Variants in SPMIP2 observed in about 807,000 individuals in gnomAD.
The protein encoded by SPMIP2 is protein SPMIP2.
At chr4:159,066,678 A>G in the SPMIP2 span, among the ~76,000 whole-genome samples, 1 of 151,132 alleles carries the variant, frequency 6.6e-6, no homozygotes, top group Non-Finnish European at 1.5e-5. Flanking sequence ...CTTGAAGTCA[A>G]CAAAGAAACT....
the SPMIP2 span, among the ~76,000 whole-genome samples, chr4:158,942,062 T>A: frequency 6.6e-6 from 1 of 152,222 alleles, no homozygotes; most frequent in Non-Finnish European, 1.5e-5. Context: ...ATGTAATTCA[T>A]CCTTGAATTT....
the SPMIP2 span, among the ~76,000 whole-genome samples, chr4:158,981,679 C>A: frequency 6.6e-6 from 1 of 151,950 alleles, no homozygotes; most frequent in Non-Finnish European, 1.5e-5. Flanking sequence ...CACCACCAGG[C>A]CTGCCTTACA....
At chr4:159,020,599 C>G in the SPMIP2 span, among the ~76,000 whole-genome samples, 1 of 152,154 alleles carries the variant, frequency 6.6e-6, no homozygotes, top group Non-Finnish European at 1.5e-5. Flanking sequence ...TGCGAGGCTA[C>G]CCTATGCCAC....
the SPMIP2 span, among the ~76,000 whole-genome samples, chr4:158,976,890 G>C: frequency 6.6e-6 from 1 of 151,958 alleles, no homozygotes; most frequent in South Asian, 2.1e-4. Flanking sequence ...TCAATCTCTT[G>C]ACCTTGTGAT....
chr4:158,993,996 T>C, the SPMIP2 span, among the ~76,000 whole-genome samples: 1 of 152,248 alleles, frequency 6.6e-6, no homozygotes, highest in African/African-American at 2.4e-5. Context: ...AACCGAACAC[T>C]ATGAGGCTTA....
the SPMIP2 span, among the ~76,000 whole-genome samples, chr4:158,989,642 A>G: frequency 0.023 from 3,567 of 152,314 alleles, 41 homozygotes; most frequent in Non-Finnish European, 0.036. Flanking sequence ...AGGATTCCCT[A>G]TTTAATAAAT....
At chr4:158,964,779 A>G in the SPMIP2 span, among the ~76,000 whole-genome samples, 1 of 152,190 alleles carries the variant, frequency 6.6e-6, no homozygotes, top group Non-Finnish European at 1.5e-5. Flanking sequence ...GGCCTCAGGA[A>G]ACTTACAATC....
the SPMIP2 span, among the ~76,000 whole-genome samples, chr4:158,923,800 T>G: frequency 6.6e-6 from 1 of 152,218 alleles, no homozygotes; most frequent in Non-Finnish European, 1.5e-5. Context: ...GATCATAGAA[T>G]AAACACATGC....
the SPMIP2 span, among the ~76,000 whole-genome samples, chr4:159,074,065 A>G: frequency 6.6e-6 from 1 of 152,184 alleles, no homozygotes; most frequent in Non-Finnish European, 1.5e-5. Context: ...TTGGTGATAA[A>G]GGGTCCTGTT....
chr4:159,034,321 T>C, the SPMIP2 span, among the ~76,000 whole-genome samples: 1 of 152,224 alleles, frequency 6.6e-6, no homozygotes, highest in African/African-American at 2.4e-5. Context: ...GTTTAATGCA[T>C]ATCCTGCTCA....
the SPMIP2 span, among the ~76,000 whole-genome samples, chr4:158,900,209 A>G: frequency 6.6e-6 from 1 of 151,956 alleles, no homozygotes; most frequent in Non-Finnish European, 1.5e-5. Context: ...GGTCTGAGAG[A>G]CTGTTATGAT....
the SPMIP2 span, among the ~76,000 whole-genome samples, chr4:158,995,153 A>G: frequency 1.3e-5 from 2 of 152,160 alleles, no homozygotes; most frequent in Admixed American, 6.5e-5. Flanking sequence ...CCTGGCCCCA[A>G]GTGATCCTCC....
chr4:158,917,425 A>T, the SPMIP2 span, among the ~76,000 whole-genome samples: 1 of 151,776 alleles, frequency 6.6e-6, no homozygotes, highest in Non-Finnish European at 1.5e-5. Flanking sequence ...GGGGGAAAAA[A>T]AAAAGGTCCA....
the SPMIP2 span, among the ~76,000 whole-genome samples, chr4:158,933,209 G>A: frequency 6.6e-6 from 1 of 152,086 alleles, no homozygotes; most frequent in African/African-American, 2.4e-5. Context: ...TCACCATGTT[G>A]GTCTTAAACT....
the SPMIP2 span, among the ~76,000 whole-genome samples, chr4:159,002,110 C>T: frequency 0.094 from 14,319 of 152,102 alleles, 936 homozygotes; most frequent in Middle Eastern, 0.15. Flanking sequence ...GCTTCTTGGC[C>T]ACATGTATGT....
At chr4:159,023,466 C>T in the SPMIP2 span, among the ~76,000 whole-genome samples, 5 of 152,178 alleles carry the variant, frequency 3.3e-5, no homozygotes, top group African/African-American at 1.2e-4. Flanking sequence ...TTTGCTATAT[C>T]CTGTTGGTTC....
the SPMIP2 span, among the ~76,000 whole-genome samples, chr4:158,908,334 T>C: frequency 6.6e-6 from 1 of 152,198 alleles, no homozygotes; most frequent in Admixed American, 6.5e-5. Flanking sequence ...TTAAATGTCC[T>C]GCTGGACATT....
the SPMIP2 span, chr4:159,026,483 T>C: frequency 1.4e-6 from 1 of 713,402 alleles, no homozygotes; most frequent in East Asian, 3.0e-5. Context: ...GACTGTGTCA[T>C]GAACAATGTC....
At chr4:159,062,697 G>GTCTCTCTCTCTCTCTCTC in the SPMIP2 span, among the ~76,000 whole-genome samples, 393 of 95,124 alleles carry the variant, frequency 4.1e-3, 50 homozygotes, top group Middle Eastern at 0.012. Context: ...TTGAAACAGG[G>GTCTCTCTCTCTCTCTCTC]TCTCTCTCTC....
Sources: allele counts gnomAD v4.1 joint callset (sites outside exome capture counted in the v4.1 genomes callset), GRCh38; gene constraint gnomAD v4.1.1; transcripts MANE v1.5; gene names NCBI Gene and HGNC (gene_info 2026-07-23, HGNC 2026-07-21).